DYNC1H1: variants seen among roughly 807,000 people sequenced by gnomAD.
DYNC1H1 encodes the protein dynein cytoplasmic 1 heavy chain 1.
In DYNC1H1, 51 loss-of-function variants were observed where a neutral mutation model predicts 527.1. The observed-to-expected ratio is 0.10, with a 90% confidence interval of 0.08 to 0.12. The LOEUF is 0.12. DYNC1H1 is among the 10% of genes least tolerant of loss of function. DYNC1H1 has a pLI of 1.00. For missense variants in DYNC1H1, 2,771 were observed against 5,971.8 expected (o/e 0.46, Z 17.66); for synonymous variants, 2,189 against 2,278.8 (o/e 0.96, Z 1.12).
intron 16 of DYNC1H1, among the ~76,000 whole-genome samples, chr14:101,999,054 T>C (rs1230626765): frequency 2.0e-5 from 3 of 152,112 alleles, no homozygotes; most frequent in East Asian, 3.9e-4. Context: ...GCTAATTGTT[T>C]GTATTTTTTA....
chr14:101,983,561 C>A lies in DYNC1H1; in HGVS notation c.1413C>A (p.Arg471=). 6.2e-7 allele frequency: 1 copy of A among 1,614,136 alleles called. No individual in the cohort carries two copies. Residue 471 remains arginine (R), a synonymous_variant, in exon 7 of 78, where the codon CGC becomes CGA. Coordinates refer to ENST00000360184, the MANE Select transcript of DYNC1H1 (RefSeq NM_001376.5). This position sits in a 1 kb window ranked among gnomAD's most constrained non-coding sequence, Gnocchi z 5.3. ...ARLDQMRKFR[R]QHEQLRAVIV... Reference sequence around the variant, plus strand: ...TTGACCAGATGAGAAAATTTAGACGCCAGCATGAACAGCTAAGAGCTGTTA... The same window carrying A: ...TTGACCAGATGAGAAAATTTAGACGACAGCATGAACAGCTAAGAGCTGTTA...
chr14:102,000,538 A>G, intron 18 of DYNC1H1, 139 bp downstream of exon 18: 1 of 737,852 alleles, frequency 1.4e-6, no homozygotes, highest in African/African-American at 1.8e-5. Flanking sequence ...CATTTACATT[A>G]TTCGTCCAAA....
chr14:101,983,740 T>C lies in DYNC1H1; in HGVS notation c.1461+131T>C. 5 of 1,067,426 alleles carry C rather than the reference T, an allele frequency of 4.7e-6. No homozygotes were observed. Among genetic ancestry groups the C allele is most frequent in the Non-Finnish European group, 6.9e-6 (5 of 727,324 alleles). 66.1% of individuals were successfully genotyped at this position (1,067,426 alleles called of 1,614,324 possible). On this transcript the variant is annotated intron_variant, in intron 7 of 77. Coordinates refer to ENST00000360184, the MANE Select transcript of DYNC1H1 (RefSeq NM_001376.5). The surrounding 1 kb of genome is among the most constrained non-coding windows in gnomAD (Gnocchi z 5.3). ...TTGCCCAGGCTGGAGTGCAATGGCA[T>C]GATCTTGGCTCACTGCAACCTCCGC...
In DYNC1H1 at chr14:101,994,250, G is replaced by A. The variant is rs1164255476; in HGVS notation, c.3082G>A (p.Asp1028Asn). 6.2e-7 allele frequency: 1 copy of A among 1,614,106 alleles called. No homozygotes were observed. Among genetic ancestry groups the A allele is most frequent in the Non-Finnish European group, 8.5e-7 (1 of 1,180,046 alleles). The change falls in exon 12 of 78, where the codon GAT becomes AAT. Residue 1028 changes from aspartate (D) to asparagine (N), a missense_variant. Around this residue, in one of 32 missense-constraint regions of DYNC1H1, gnomAD observed 179 missense variants for 349.4 expected, o/e 0.51. Coordinates refer to ENST00000360184, the MANE Select transcript of DYNC1H1 (RefSeq NM_001376.5). ...FYRNALTRMP[D>N]GPVALEESYS... Reference sequence around the variant, plus strand: ...TCGGAATGCTTTAACACGGATGCCTGATGGCCCTGTTGCCCTGGAAGAGTC... The same window carrying A: ...TCGGAATGCTTTAACACGGATGCCTAATGGCCCTGTTGCCCTGGAAGAGTC...
chr14:101,987,421 G>C, intron 8 of DYNC1H1, 32 bp from the exon 9 acceptor site: 1 of 1,595,650 alleles, frequency 6.3e-7, no homozygotes. Flanking sequence ...GTGTGAGTGG[G>C]TGTTTTAAAT....
At position 102,017,165 on chromosome 14, in the gene DYNC1H1, G is replaced by A; in HGVS notation, c.7926G>A (p.Arg2642=). The change falls in exon 39 of 78, where the codon AGG becomes AGA. Residue 2642 remains arginine (R), a synonymous_variant. Transcript: ENST00000360184. This position sits in a 1 kb window ranked among gnomAD's most constrained non-coding sequence, Gnocchi z 4.6. Reference sequence around the variant, plus strand: ...CTTTTGATCACTACTGCGAGTACAGGCGCACACCTAATGGGGTGGTTTTGG... The same window carrying A: ...CTTTTGATCACTACTGCGAGTACAGACGCACACCTAATGGGGTGGTTTTGG... ...LKTFDHYCEY[R]RTPNGVVLAP... is the part of the protein sequence containing the mutation. The A allele has an allele frequency of 6.2e-7, 1 of 1,614,220 alleles. No homozygotes were observed. Among genetic ancestry groups the A allele is most frequent in the Non-Finnish European group, 8.5e-7 (1 of 1,180,038 alleles).
rs762728869 is a variant in DYNC1H1 at position 102,017,022 on chromosome 14, A to C, written c.7848+23A>C. 4 of 1,614,252 alleles carry C rather than the reference A, an allele frequency of 2.5e-6. No individual in the cohort carries two copies. In the South Asian group the frequency reaches 4.4e-5, roughly 18 times the overall value. ...GAGGTAAAGAGGCCAGGAGGTGGGC[A>C]GCAGACCTTTTGGTGCTGAGCATGG... On this transcript the variant is annotated intron_variant, in intron 38 of 77. Transcript: ENST00000360184. The surrounding 1 kb of genome is among the most constrained non-coding windows in gnomAD (Gnocchi z 4.6).
chr14:102,012,365 C>T lies in DYNC1H1; in HGVS notation c.6909C>T (p.Phe2303=), dbSNP rs138326082. Residue 2303 remains phenylalanine (F), a synonymous_variant, in exon 34 of 78, where the codon TTC becomes TTT. Transcript: ENST00000360184. This position sits in a 1 kb window ranked among gnomAD's most constrained non-coding sequence, Gnocchi z 4.9. The part of the protein sequence containing the change: ...GELQKRQWIV[F]DGDVDPEWVE... Reference sequence around the variant, plus strand: ...TGCAGAAGCGCCAGTGGATCGTCTTCGATGGCGATGTGGATCCAGAGTGGG... The same window carrying T: ...TGCAGAAGCGCCAGTGGATCGTCTTTGATGGCGATGTGGATCCAGAGTGGG... The T allele has an allele frequency of 1.4e-4, 227 of 1,614,112 alleles. No individual in the cohort carries two copies. The highest frequency in any genetic ancestry group is 1.9e-4 in the Non-Finnish European group (219 of 1,180,040).
At position 102,033,725 on chromosome 14, in the gene DYNC1H1, C is replaced by CA. The variant is rs1186801341; in HGVS notation, c.10413+241_10413+242insA. 1 of 687,118 alleles carries CA rather than the reference C, an allele frequency of 1.5e-6. No homozygotes were observed. The highest frequency in any genetic ancestry group is 2.5e-6 in the Non-Finnish European group (1 of 403,106). 42.6% of individuals were successfully genotyped at this position (687,118 alleles called of 1,614,324 possible). Reference sequence around the variant, plus strand: ...GCCGTTGAATCCCCCACCAGCAGCTCCAGACCTGTTTGCTCTGCTGCCTGA... The same window carrying CA: ...GCCGTTGAATCCCCCACCAGCAGCTCACAGACCTGTTTGCTCTGCTGCCTGA... On this transcript the variant is annotated intron_variant, in intron 54 of 77. Coordinates refer to ENST00000360184, the MANE Select transcript of DYNC1H1 (RefSeq NM_001376.5). This position sits in a 1 kb window ranked among gnomAD's most constrained non-coding sequence, Gnocchi z 5.6.
rs765231890 is a variant in DYNC1H1 at position 102,016,738 on chromosome 14, G to A, written c.7615-28G>A. 2.1e-5 allele frequency: 34 copies of A among 1,609,766 alleles called. No homozygotes were observed. The highest frequency in any genetic ancestry group is 1.7e-4 in the Admixed American group (10 of 59,546). On this transcript the variant is annotated intron_variant, in intron 37 of 77. Coordinates refer to ENST00000360184, the MANE Select transcript of DYNC1H1 (RefSeq NM_001376.5). The surrounding 1 kb of genome is among the most constrained non-coding windows in gnomAD (Gnocchi z 7.3). The stretch of plus-strand genomic sequence containing the variant: ...GTGAGGAGGCACCTTGGTTGCAGCC[G>A]GACTCACACTTCCATCTCCGTGTGT...
At position 102,029,411 on chromosome 14, in the gene DYNC1H1, A is replaced by T; in HGVS notation, c.9469-128A>T. 8.0e-7 allele frequency: 1 copy of T among 1,244,806 alleles called. No individual in the cohort carries two copies. Among genetic ancestry groups the T allele is most frequent in the Non-Finnish European group, 1.1e-6 (1 of 873,114 alleles). 77.1% of individuals were successfully genotyped at this position (1,244,806 alleles called of 1,614,324 possible). Reference sequence around the variant, plus strand: ...AGTGGCTAAGCTGAGGCCCGACTCGAGTGTTCTGGCCCCGAGGGCCAGGCT... The same window carrying T: ...AGTGGCTAAGCTGAGGCCCGACTCGTGTGTTCTGGCCCCGAGGGCCAGGCT... On this transcript the variant is annotated intron_variant, in intron 48 of 77. Coordinates refer to ENST00000360184, the MANE Select transcript of DYNC1H1 (RefSeq NM_001376.5). The surrounding 1 kb of genome is among the most constrained non-coding windows in gnomAD (Gnocchi z 5.3).
chr14:101,970,470 G>GTTTTTTTTTTTTTTTTTTTTTTTT (rs1324948272), intron 1 of DYNC1H1, among the ~76,000 whole-genome samples: 1 of 96,308 alleles, frequency 1.0e-5, no homozygotes. Flanking sequence ...TTGGTTTGTT[G>GTTTTTTTTTTTTTTTTTTTTTTTT]TTGTTTTTTT....
Position 102,010,199 on chromosome 14 carries a change from T to C in DYNC1H1, c.6222-77T>C. 1 of 1,612,540 alleles carries C rather than the reference T, an allele frequency of 6.2e-7. No individual in the cohort carries two copies. The highest frequency in any genetic ancestry group is 8.5e-7 in the Non-Finnish European group (1 of 1,179,278). On this transcript the variant is annotated intron_variant, in intron 30 of 77. Transcript: ENST00000360184. This position sits in a 1 kb window ranked among gnomAD's most constrained non-coding sequence, Gnocchi z 6.0. ...GTACGTCTTTCAAAATATCCATCTC[T>C]GGTTTCTTGACACTTGACCCTATTA... is the stretch of plus-strand genomic sequence containing the variant.
chr14:101,988,343 G>A (rs1000165972), intron 9 of DYNC1H1, among the ~76,000 whole-genome samples: 1 of 152,210 alleles, frequency 6.6e-6, no homozygotes, highest in Admixed American at 6.5e-5. Flanking sequence ...TAGACAAGTG[G>A]GGATGGGTAG....
intron 2 of DYNC1H1, among the ~76,000 whole-genome samples, chr14:101,978,224 G>A (rs577305109): frequency 6.6e-6 from 1 of 152,178 alleles, no homozygotes; most frequent in Non-Finnish European, 1.5e-5. Flanking sequence ...GCTAATTCTT[G>A]TATTTTTAGT....
rs1018636395 is a variant in DYNC1H1, at chr14:102,041,895, A to G, written c.12103-118A>G. ...CTCAACTCCTGGCTGCATGGTGCCCACACCTCTGGGCCCAGAAAGAACATC... is the reference window on the plus strand; with the variant it reads ...CTCAACTCCTGGCTGCATGGTGCCCGCACCTCTGGGCCCAGAAAGAACATC... On this transcript the variant is annotated intron_variant, in intron 65 of 77. Coordinates refer to ENST00000360184, the MANE Select transcript of DYNC1H1 (RefSeq NM_001376.5). This position sits in a 1 kb window ranked among gnomAD's most constrained non-coding sequence, Gnocchi z 4.5. 2.7e-6 allele frequency: 4 copies of G among 1,496,466 alleles called. No homozygotes were observed. The highest frequency in any genetic ancestry group is 3.7e-6 in the Non-Finnish European group (4 of 1,089,700). The allele number at this position is 1,496,466 out of a possible 1,614,324, so 92.7% of individuals were successfully genotyped here. A position where few individuals can be genotyped will look rare whatever the true frequency, so the allele number is the denominator to read the frequency against.
chr14:102,036,461 A>C lies in DYNC1H1; in HGVS notation c.10755-28A>C, dbSNP rs780967405. 6.2e-7 allele frequency: 1 copy of C among 1,612,598 alleles called. No individual in the cohort carries two copies. On this transcript the variant is annotated intron_variant, in intron 56 of 77. Transcript: ENST00000360184. This position sits in a 1 kb window ranked among gnomAD's most constrained non-coding sequence, Gnocchi z 5.6. Reference sequence around the variant, plus strand: ...TGTGCTTTCCCCATTCGGTGTTTCAACCTTCTCTTCTGTGGCCTCATCCTC... The same window carrying C: ...TGTGCTTTCCCCATTCGGTGTTTCACCCTTCTCTTCTGTGGCCTCATCCTC...
chr14:102,030,521 A>G (rs1567018187), intron 51 of DYNC1H1: 1 of 525,342 alleles, frequency 1.9e-6, no homozygotes, highest in African/African-American at 1.9e-5. Context: ...CTCATAAAAG[A>G]AACTTCACAA....
At chr14:102,048,088 T>C (rs1339666517) in intron 73 of DYNC1H1, 60 bp downstream of exon 73, 2 of 1,541,706 alleles carry the variant, frequency 1.3e-6, no homozygotes, top group Non-Finnish European at 1.7e-6. Context: ...GGTATGGTCA[T>C]GGACCATTGT....
Sources: allele counts gnomAD v4.1 joint callset (sites outside exome capture counted in the v4.1 genomes callset), GRCh38; gene constraint gnomAD v4.1.1; regional missense constraint gnomAD v4.1.1; non-coding constraint Gnocchi (gnomAD v3.1); transcripts MANE v1.5; gene names NCBI Gene and HGNC (gene_info 2026-07-23, HGNC 2026-07-21).